The following NLRP2 variants were observed in gnomAD, a reference collection of about 807,000 sequenced individuals.
The protein encoded by NLRP2 is NLR family pyrin domain containing 2, also known as NACHT, LRR and PYD domains-containing protein 2.
In NLRP2, 107 loss-of-function variants were observed where a neutral mutation model predicts 97.2. That is an observed-to-expected ratio of 1.10 (90% CI 0.94 to 1.29). The LOEUF (loss-of-function observed/expected upper bound fraction) is 1.29, where lower values mean the gene tolerates loss of function less well. Ranked by LOEUF, NLRP2 falls within the 50% of genes most tolerant of loss-of-function variation. The pLI, the probability that NLRP2 is intolerant of heterozygous loss-of-function variation, is 0.00. For missense variants in NLRP2, 1,495 were observed against 1,330.3 expected, an observed-to-expected ratio of 1.12 and a Z score of -1.93; for synonymous variants, 663 against 551.5, an observed-to-expected ratio of 1.20 and a Z score of -2.83.
Position 54,997,452 on chromosome 19 carries a change from C to G in NLRP2, c.3015C>G (p.Thr1005=). The G allele has an allele frequency of 6.2e-7, 1 of 1,614,202 alleles. No homozygotes were observed. The highest frequency in any genetic ancestry group is 1.1e-5 in the South Asian group (1 of 91,086). The change falls in exon 12 of 13, where the codon ACC becomes ACG. Residue 1005 remains threonine, a synonymous_variant. Coordinates refer to ENST00000448584, the MANE Select transcript of NLRP2 (RefSeq NM_017852.5). The stretch of plus-strand genomic sequence containing the variant: ...GTGGAGTGAAGATGCTGTTTGAAAC[C>G]TTGACATGTTCCAGTGGCACCCTCC... ...GSSGVKMLFE[T]LTCSSGTLRT... is the part of the protein sequence containing the mutation.
At chr19:54,973,525 A>G (rs930184670) in intron 2 of NLRP2, among the ~76,000 whole-genome samples, 1 of 151,610 alleles carries the variant, frequency 6.6e-6, no homozygotes, top group Non-Finnish European at 1.5e-5. Flanking sequence ...ACAGGCGCCT[A>G]CCACCATGCC....
At chr19:54,976,733 G>A (rs73605997) in intron 3 of NLRP2, 1 of 415,268 alleles carries the variant, frequency 2.4e-6, no homozygotes, top group Non-Finnish European at 4.7e-6. Context: ...CATCTTTTCA[G>A]GAGTTCCATG....
chr19:55,000,480 G>C (rs538286794), intron 12 of NLRP2, among the ~76,000 whole-genome samples: 4 of 150,172 alleles, frequency 2.7e-5, no homozygotes, highest in Non-Finnish European at 5.9e-5. Context: ...GGGTTTCACC[G>C]TGTTAGCCAG....
intron 2 of NLRP2, chr19:54,974,121 C>T (rs781476280): frequency 3.4e-5 from 24 of 698,702 alleles, no homozygotes; most frequent in Non-Finnish European, 5.1e-5. Flanking sequence ...TTTGGGAGGC[C>T]GAGGTGGGCG....
chr19:54,980,171 C>A (rs966539337), intron 4 of NLRP2, among the ~76,000 whole-genome samples: 1 of 151,304 alleles, frequency 6.6e-6, no homozygotes, highest in African/African-American at 2.4e-5. Context: ...GTGAATAGTG[C>A]CTGGTGGCAT....
Position 54,983,111 on chromosome 19 carries a change from A to G in NLRP2, c.1413A>G (p.Glu471=), listed in dbSNP as rs1480258212. Residue 471 remains glutamate, a synonymous_variant, in exon 6 of 13, where the codon GAA becomes GAG. Transcript: ENST00000448584. ...QTSVLHREDL[E]RLGVQESDLR... is the part of the protein sequence containing the mutation. ...CCGTGCTTCACCGAGAGGATCTGGA[A>G]AGGCTCGGGGTGCAGGAGTCCGACC... is the stretch of plus-strand genomic sequence containing the variant. 5.6e-6 allele frequency: 9 copies of G among 1,613,374 alleles called. No individual in the cohort carries two copies. Among genetic ancestry groups the G allele is most frequent in the Non-Finnish European group, 7.6e-6 (9 of 1,179,928 alleles).
rs1315599789 is a variant in NLRP2, at chr19:54,991,971, G to A, written c.2708+1299G>A. Among the ~76,000 whole-genome samples the A allele has an allele frequency of 4.1e-5, 6 of 146,510 alleles. No individual in the cohort carries two copies. In the East Asian group the frequency reaches 1.2e-3, roughly 30 times the overall value. On this transcript the variant is annotated intron_variant, in intron 10 of 12. Coordinates refer to ENST00000448584, the MANE Select transcript of NLRP2 (RefSeq NM_017852.5). Reference sequence around the variant, plus strand: ...ATGGAGTTTTACTCTTGCCCACGCTGGCAATGGCATGATCTAGGCTCACTG... The same window carrying A: ...ATGGAGTTTTACTCTTGCCCACGCTAGCAATGGCATGATCTAGGCTCACTG...
intron 1 of NLRP2, among the ~76,000 whole-genome samples, chr19:54,968,492 A>ATT (rs34532293): frequency 3.9e-4 from 57 of 145,404 alleles, no homozygotes; most frequent in Middle Eastern, 3.5e-3. Context: ...GCCCAGCACA[A>ATT]TTTTTTTTTT....
intron 10 of NLRP2, chr19:54,991,550 C>CTCA (rs2072475231): frequency 3.7e-5 from 5 of 136,074 alleles, no homozygotes; most frequent in Non-Finnish European, 8.0e-5. Flanking sequence ...AAGACTCTCT[C>CTCA]AAAAAAAAAA....
At chr19:54,987,021 A>C (rs192795460) in intron 8 of NLRP2, among the ~76,000 whole-genome samples, 157 of 151,724 alleles carry the variant, frequency 1.0e-3, no homozygotes, top group African/African-American at 3.3e-3. Context: ...AGTAGCTGGG[A>C]TTACAGGTGC....
chr19:54,993,871 A>G (rs1301761182), intron 10 of NLRP2: 11 of 301,318 alleles, frequency 3.7e-5, no homozygotes, highest in Non-Finnish European at 7.0e-5. Context: ...GGCCACCTGC[A>G]TTCCTTGGCT....
rs1254301941 is a variant in NLRP2, at chr19:54,977,685, C to A, written c.326-67C>A. ...TCACTACTGAGACTCAGGGGTCCAA[C>A]TTGAGCCATCTTGGAGTCCCACTGC... On this transcript the variant is annotated intron_variant, in intron 3 of 12. Coordinates refer to ENST00000448584, the MANE Select transcript of NLRP2 (RefSeq NM_017852.5). 5 of 1,499,456 alleles carry A rather than the reference C, an allele frequency of 3.3e-6. No individual in the cohort carries two copies. The East Asian group carries it at 1.1e-4, about 34-fold the overall frequency. The allele number at this position is 1,499,456 out of a possible 1,614,324, so 92.9% of individuals were successfully genotyped here.
intron 12 of NLRP2, among the ~76,000 whole-genome samples, chr19:54,998,173 C>A (rs1205332802): frequency 6.6e-6 from 1 of 151,954 alleles, no homozygotes; most frequent in East Asian, 1.9e-4. Context: ...CATGCACCAC[C>A]ACACCTAGGT....
At chr19:54,982,058 A>G (rs931460512) in intron 5 of NLRP2, 104 bp from the exon 6 acceptor site, 14 of 1,445,516 alleles carry the variant, frequency 9.7e-6, no homozygotes, top group Middle Eastern at 2.3e-4. Context: ...GATTACAGGC[A>G]TGAGCCACTG....
At chr19:54,968,304 C>G (rs1449514648) in intron 1 of NLRP2, among the ~76,000 whole-genome samples, 1 of 151,810 alleles carries the variant, frequency 6.6e-6, no homozygotes, top group Non-Finnish European at 1.5e-5. Context: ...CCTGAGCTTC[C>G]CAAAGTGCGG....
rs1449390922 is a variant in NLRP2, at chr19:54,983,716, C to G, written c.2018C>G (p.Ala673Gly). 1.9e-6 allele frequency: 3 copies of G among 1,611,626 alleles called. No homozygotes were observed. In the Admixed American group the frequency reaches 5.0e-5, roughly 27 times the overall value. ...AATGTCACTGCGTCTGAATCAGACG[C>G]CGAGGTTGAGAGGTGAGAACCGTTT... Reference protein sequence around the residue: ...PENVTASESDAEVERSQDDQH... With the variant: ...PENVTASESDGEVERSQDDQH... The change falls in exon 6 of 13, where the codon GCC becomes GGC. Residue 673 changes from alanine to glycine, a missense_variant. Physicochemically the swap from Ala to Gly is moderately conservative, Grantham distance 60. Coordinates refer to ENST00000448584, the MANE Select transcript of NLRP2 (RefSeq NM_017852.5).
Position 54,975,252 on chromosome 19 carries a change from C to G in NLRP2, c.325+708C>G, listed in dbSNP as rs889710212. 8.7e-5 allele frequency among the ~76,000 whole-genome samples: 13 copies of G among 149,172 alleles called. 1 individual carries two copies. Among genetic ancestry groups the G allele is most frequent in the African/African-American group, 1.2e-4 (5 of 40,420 alleles). ...CCTCCTGCCTCAGCCTCCTGAGTAG[C>G]TGGGACCACAGGCACTTGCCACCAT... On this transcript the variant is annotated intron_variant, in intron 3 of 12. Coordinates refer to ENST00000448584, the MANE Select transcript of NLRP2 (RefSeq NM_017852.5).
chr19:54,981,516 C>CT, intron 4 of NLRP2, 101 bp from the exon 5 acceptor site: 3 of 274,008 alleles, frequency 1.1e-5, no homozygotes, highest in Non-Finnish European at 1.6e-5. Flanking sequence ...CGTGCCCCCC[C>CT]TCCCCCCCGC....
rs772600256 is a variant in NLRP2 at position 54,982,487 on chromosome 19, C to A, written c.789C>A (p.Phe263Leu). 1 of 1,614,222 alleles carries A rather than the reference C, an allele frequency of 6.2e-7. No homozygotes were observed. The highest frequency in any genetic ancestry group is 2.2e-5 in the East Asian group (1 of 44,884). The change falls in exon 6 of 13, where the codon TTC becomes TTA. Residue 263 changes from phenylalanine (F) to leucine (L), a missense_variant. By Grantham distance (22) the Phe-to-Leu change is conservative. Coordinates refer to ENST00000448584, the MANE Select transcript of NLRP2 (RefSeq NM_017852.5). ...LGPCSFAELV[F>L]RDWPELQDDI... is the part of the protein sequence containing the mutation. ...CGTGCAGTTTTGCAGAGCTGGTCTTCAGGGACTGGCCTGAATTGCAGGATG... is the reference window on the plus strand; with the variant it reads ...CGTGCAGTTTTGCAGAGCTGGTCTTAAGGGACTGGCCTGAATTGCAGGATG...
Sources: allele counts gnomAD v4.1 joint callset (sites outside exome capture counted in the v4.1 genomes callset), GRCh38; gene constraint gnomAD v4.1.1; transcripts MANE v1.5; gene names NCBI Gene and HGNC (gene_info 2026-07-23, HGNC 2026-07-21).